COMMD5: variants seen among roughly 807,000 people sequenced by gnomAD.
The protein encoded by COMMD5 is COMM domain containing 5, also known as COMM domain-containing protein 5.
Under a neutral mutation model 6.9 loss-of-function variants are expected in COMMD5, and 10 were observed. The ratio of observed to expected loss-of-function variants is 1.44; its 90% CI spans 0.89 to 2.45. The LOEUF (loss-of-function observed/expected upper bound fraction) is 2.45, where lower values mean the gene tolerates loss of function less well. Ranked by LOEUF, COMMD5 falls within the 30% of genes most tolerant of loss-of-function variation. The pLI is 0.00. For synonymous variants in COMMD5, 127 were observed against 125.3 expected (o/e 1.01, Z -0.09); for missense variants, 234 against 287.8 (o/e 0.81, Z 1.35).
downstream of COMMD5, among the ~76,000 whole-genome samples, chr8:144,845,363 G>A (rs1462345621): frequency 6.6e-6 from 1 of 151,974 alleles, no homozygotes; most frequent in East Asian, 1.9e-4. Context: ...GTTGGGAGCT[G>A]GGGGGCCATT....
At chr8:144,841,442 C>T (rs1829899949) in exon 2 of COMMD5, 2 of 1,614,092 alleles carry the variant, frequency 1.2e-6, no homozygotes, top group African/African-American at 1.3e-5. Context: ...GTCAGAATCT[C>T]CCCACAGGAC....
At chr8:144,843,526 T>C (rs56279420) in intron 1 of COMMD5, 37,569 of 158,380 alleles carry the variant, frequency 0.24, 5,034 homozygotes, top group Non-Finnish European at 0.31. Flanking sequence ...AGGCGGAGCT[T>C]GCAGTGAGCT....
At position 144,850,893 on chromosome 8, in the gene COMMD5, A is replaced by G. The variant is rs1162658419; in HGVS notation, c.446T>C (p.Leu149Pro). The G allele has an allele frequency of 2.5e-6, 4 of 1,611,150 alleles. No individual in the cohort carries two copies. In the East Asian group the frequency reaches 8.9e-5, roughly 36 times the overall value. The change falls in exon 2 of 2, where the codon CTG (leucine) becomes CCG (proline). Residue 149 changes from leucine to proline, a missense_variant. By Grantham distance (98) the Leu-to-Pro change is moderately conservative. Coordinates refer to ENST00000305103, the MANE Select transcript of COMMD5 (RefSeq NM_014066.4). The surrounding 1 kb of genome is among the most constrained non-coding windows in gnomAD (Gnocchi z 4.0). ...DSVAQQQGAW[L>P]PHVADFRWRV... ...CCACCGAAAGTCAGCAACATGCGGC[A>G]GCCAGGCCCCCTGCTGCTGGGCCAC...
At chr8:144,842,914 C>T in intron 1 of COMMD5, 1 of 1,614,154 alleles carries the variant, frequency 6.2e-7, no homozygotes, top group African/African-American at 1.3e-5. Context: ...CCAGAGAATA[C>T]ACACTAGGGC....
At chr8:144,842,698 G>T in intron 1 of COMMD5, 1 of 1,614,082 alleles carries the variant, frequency 6.2e-7, no homozygotes, top group Non-Finnish European at 8.5e-7. Context: ...CCTCCAATGC[G>T]GAAAAGCCTT....
In COMMD5 at chr8:144,851,185, G is replaced by T; in HGVS notation, c.154C>A (p.Leu52Met). 1 of 1,613,772 alleles carries T rather than the reference G, an allele frequency of 6.2e-7. No individual in the cohort carries two copies. Among genetic ancestry groups the T allele is most frequent in the Middle Eastern group, 1.6e-4 (1 of 6,062 alleles). ...DLDRSTFRKL[L>M]KFVVSSLQGE... ...TGCAGGCTGCTGACCACAAACTTCAGCAACTTTCTGAACGTGCTCCTGTCT... is the reference window on the plus strand; with the variant it reads ...TGCAGGCTGCTGACCACAAACTTCATCAACTTTCTGAACGTGCTCCTGTCT... Residue 52 changes from leucine to methionine, a missense_variant, in exon 2 of 2, where the codon CTG becomes ATG. By Grantham distance (15) the Leu-to-Met change is conservative (BLOSUM62 2). Transcript: ENST00000305103.
At chr8:144,846,008 G>T (rs1830494424), downstream of COMMD5, 3 of 1,536,438 alleles carry the variant, frequency 2.0e-6, no homozygotes, top group East Asian at 7.3e-5. Context: ...CATGGGACAA[G>T]AGCCAAGGCA....
At chr8:144,842,838 G>T in intron 1 of COMMD5, 1 of 1,614,126 alleles carries the variant, frequency 6.2e-7, no homozygotes, top group Non-Finnish European at 8.5e-7. Context: ...TTCATGCAGG[G>T]GTGAAGCCCT....
downstream of COMMD5, chr8:144,838,037 G>A: frequency 1.4e-6 from 1 of 697,388 alleles, no homozygotes; most frequent in Non-Finnish European, 2.6e-6. Context: ...GAAACCGGGG[G>A]GTCAGCAAGC....
downstream of COMMD5, among the ~76,000 whole-genome samples, chr8:144,845,713 T>A (rs1215736082): frequency 1.3e-5 from 2 of 152,134 alleles, no homozygotes; most frequent in African/African-American, 4.8e-5. Context: ...ACTGGTGACC[T>A]CCCACCTGCC....
downstream of COMMD5, chr8:144,838,253 TA>T: frequency 1.5e-6 from 1 of 647,070 alleles, no homozygotes; most frequent in Non-Finnish European, 2.8e-6. Context: ...CATGGTGGGT[TA>T]GGGGCCACCC....
downstream of COMMD5, among the ~76,000 whole-genome samples, chr8:144,845,737 C>T (rs1355206901): frequency 6.6e-6 from 1 of 152,182 alleles, no homozygotes; most frequent in Non-Finnish European, 1.5e-5. Context: ...TCAGGGGCTC[C>T]TCCCGGTGTA....
chr8:144,850,729 C>T lies in COMMD5; in HGVS notation c.610G>A (p.Val204Met), dbSNP rs376217848. The T allele has an allele frequency of 5.6e-5, 90 of 1,614,038 alleles. No homozygotes were observed. The highest frequency in any genetic ancestry group is 1.3e-4 in the East Asian group (6 of 44,888). Reference sequence around the variant, plus strand: ...GCCATCTCCTTTAGGACCAGGGCCACGCTGTACCGCAGCTCCTGGAACTTG... The same window carrying T: ...GCCATCTCCTTTAGGACCAGGGCCATGCTGTACCGCAGCTCCTGGAACTTG... ...TAKFQELRYS[V>M]ALVLKEMADL... is the part of the protein sequence containing the mutation. Residue 204 changes from valine to methionine, a missense_variant, in exon 2 of 2, where the codon GTG becomes ATG. Val to Met is a conservative substitution (Grantham distance 21). Transcript: ENST00000305103. This position sits in a 1 kb window ranked among gnomAD's most constrained non-coding sequence, Gnocchi z 4.0.
intron 1 of COMMD5, chr8:144,841,788 A>G: frequency 6.2e-7 from 1 of 1,614,226 alleles, no homozygotes. Flanking sequence ...GATGTCAAGA[A>G]TGCCAAAAAA....
chr8:144,842,795 G>T, intron 1 of COMMD5: 2 of 1,614,226 alleles, frequency 1.2e-6, no homozygotes, highest in Non-Finnish European at 1.7e-6. Context: ...AAAGCCTTCA[G>T]TCAAAACTCA....
chr8:144,842,999 A>G (rs1163133830), intron 1 of COMMD5: 1 of 1,614,110 alleles, frequency 6.2e-7, no homozygotes, highest in Non-Finnish European at 8.5e-7. Context: ...AATACTATAA[A>G]GAAACTGCAT....
At chr8:144,852,335 TGGCAACAGAGGCAAGTGC>T (rs936382318) in intron 1 of COMMD5, 1 of 152,540 alleles carries the variant, frequency 6.6e-6, no homozygotes, top group Non-Finnish European at 1.5e-5. Context: ...GAGCAACGGC[TGGCAACAGAGGCAAGTGC>T]GGCAACTAAA....
chr8:144,849,869 C>A (rs1162701759), downstream of COMMD5, among the ~76,000 whole-genome samples: 1 of 152,188 alleles, frequency 6.6e-6, no homozygotes, highest in East Asian at 1.9e-4. Context: ...GCTCCTCTGT[C>A]ACTCAGAATT....
intron 1 of COMMD5, among the ~76,000 whole-genome samples, chr8:144,844,554 C>CA (rs1830385250): frequency 1.3e-5 from 2 of 150,908 alleles, no homozygotes; most frequent in African/African-American, 2.4e-5. Flanking sequence ...ACTAAAAATA[C>CA]AAAAAATTAG....
Sources: allele counts gnomAD v4.1 joint callset (sites outside exome capture counted in the v4.1 genomes callset), GRCh38; gene constraint gnomAD v4.1.1; non-coding constraint Gnocchi (gnomAD v3.1); transcripts MANE v1.5; gene names NCBI Gene and HGNC (gene_info 2026-07-23, HGNC 2026-07-21).